Variants in STX8 observed in about 807,000 individuals in gnomAD.
STX8 encodes the protein syntaxin 8.
A neutral mutation model predicts 37.5 loss-of-function variants in STX8; 23 were observed. That is an observed-to-expected ratio of 0.61 (90% CI 0.44 to 0.87). The LOEUF (loss-of-function observed/expected upper bound fraction) is 0.87, where lower values mean the gene tolerates loss of function less well. Ranked by LOEUF, STX8 falls within the 40% of genes least tolerant of loss-of-function variation. STX8 has a pLI of 0.00. For missense variants in STX8, 313 were observed against 284.7 expected (o/e 1.10, Z -0.71); for synonymous variants, 115 against 99.1 (o/e 1.16, Z -0.95).
chr17:9,544,369 C>T (rs755229536), intron 4 of STX8, among the ~76,000 whole-genome samples: 2 of 152,104 alleles, frequency 1.3e-5, no homozygotes, highest in Non-Finnish European at 2.9e-5. Flanking sequence ...CCAGCAGAAC[C>T]GGGCTCAGAG....
At chr17:9,480,571 A>G (rs1343966296) in intron 6 of STX8, among the ~76,000 whole-genome samples, 1 of 152,122 alleles carries the variant, frequency 6.6e-6, no homozygotes, top group Non-Finnish European at 1.5e-5. Context: ...CACTAAATGG[A>G]AGTCCTTCCA....
At chr17:9,287,899 C>T (rs1286500650) in intron 7 of STX8, among the ~76,000 whole-genome samples, 1 of 151,728 alleles carries the variant, frequency 6.6e-6, no homozygotes, top group Non-Finnish European at 1.5e-5. Flanking sequence ...TACAGGTGAG[C>T]ACCACCACGC....
At chr17:9,524,370 T>G (rs1400300562) in intron 4 of STX8, among the ~76,000 whole-genome samples, 1 of 152,204 alleles carries the variant, frequency 6.6e-6, no homozygotes. Context: ...CGGTGTCTGG[T>G]GAGGACTTTT....
intron 7 of STX8, among the ~76,000 whole-genome samples, chr17:9,265,123 G>GAAA (rs61526336): frequency 4.1e-5 from 3 of 72,508 alleles, no homozygotes; most frequent in Non-Finnish European, 5.9e-5. Context: ...AGTCTGAAAA[G>GAAA]AAAAAAAAAA....
intron 7 of STX8, 112 bp downstream of exon 7, chr17:9,378,440 T>C (rs1911675389): frequency 1.1e-6 from 1 of 888,372 alleles, no homozygotes; most frequent in Non-Finnish European, 1.8e-6. Flanking sequence ...TGGAACTGCC[T>C]GTATCAGAAG....
intron 5 of STX8, among the ~76,000 whole-genome samples, chr17:9,501,149 T>A (rs941465388): frequency 2.6e-5 from 4 of 152,162 alleles, no homozygotes; most frequent in Non-Finnish European, 4.4e-5. Flanking sequence ...CTCAAACTAA[T>A]CTAAAAATTC....
intron 6 of STX8, among the ~76,000 whole-genome samples, chr17:9,489,399 C>T (rs576970666): frequency 2.0e-5 from 3 of 152,140 alleles, no homozygotes; most frequent in East Asian, 3.9e-4. Context: ...CTAAACCAGA[C>T]GAAAGACAAG....
At chr17:9,305,271 T>G (rs1908939131) in intron 7 of STX8, among the ~76,000 whole-genome samples, 1 of 152,002 alleles carries the variant, frequency 6.6e-6, no homozygotes, top group Admixed American at 6.6e-5. Context: ...TTTTGTATTT[T>G]TAGTAGAGAT....
intron 5 of STX8, among the ~76,000 whole-genome samples, chr17:9,494,073 T>C: frequency 6.6e-6 from 1 of 151,602 alleles, no homozygotes; most frequent in Admixed American, 6.6e-5. Flanking sequence ...TGGAGTGCAG[T>C]GGCGCGATCT....
In STX8 at chr17:9,535,424, C is replaced by CTTTTTTTTTTTTT. The variant is rs35962202; in HGVS notation, c.323+9735_323+9747dup. 8.5e-3 allele frequency among the ~76,000 whole-genome samples: 440 copies of CTTTTTTTTTTTTT among 51,558 alleles called. 90 individuals carry two copies. The highest frequency in any genetic ancestry group is 0.024 in the East Asian group (29 of 1,206). The allele number at this position is 51,558 out of a possible 152,430, so 33.8% of individuals were successfully genotyped here. ...CATACCCTCTGACCCAGCCATCCTA[C>CTTTTTTTTTTTTT]TTTTTTTTTTTTTTTTTTTTTTTTT... On this transcript the variant is annotated intron_variant, in intron 4 of 7. Transcript: ENST00000306357.
chr17:9,300,830 CTTTT>C (rs1164799565), intron 7 of STX8, among the ~76,000 whole-genome samples: 19 of 90,892 alleles, frequency 2.1e-4, no homozygotes, highest in Non-Finnish European at 2.5e-4. Context: ...TTATTTTGTT[CTTTT>C]TTTTTTTTTT....
At chr17:9,439,621 G>C (rs900188998) in intron 6 of STX8, among the ~76,000 whole-genome samples, 1 of 150,318 alleles carries the variant, frequency 6.7e-6, no homozygotes, top group Non-Finnish European at 1.5e-5. Flanking sequence ...TCAGCCTCCC[G>C]AGCAGCTGGG....
chr17:9,510,964 A>C (rs1946439331), intron 4 of STX8, among the ~76,000 whole-genome samples: 1 of 152,120 alleles, frequency 6.6e-6, no homozygotes, highest in South Asian at 2.1e-4. Context: ...GAATCATTAC[A>C]GGATACTACA....
intron 6 of STX8, chr17:9,467,508 C>G (rs1162640656): frequency 6.6e-6 from 1 of 152,236 alleles, no homozygotes; most frequent in Non-Finnish European, 1.5e-5. Flanking sequence ...GAAGACCTCT[C>G]TCTTCCCCTT....
chr17:9,504,521 C>T (rs71358250), intron 5 of STX8, among the ~76,000 whole-genome samples: 1 of 152,260 alleles, frequency 6.6e-6, no homozygotes, highest in South Asian at 2.1e-4. Flanking sequence ...GCTCTCTCTG[C>T]TCTTGCCCAA....
At chr17:9,275,530 G>A (rs1259858142) in intron 7 of STX8, among the ~76,000 whole-genome samples, 1 of 152,156 alleles carries the variant, frequency 6.6e-6, no homozygotes, top group African/African-American at 2.4e-5. Context: ...TCCCATCTGT[G>A]TGATCATGAG....
chr17:9,543,463 T>TTTG (rs957696152), intron 4 of STX8, among the ~76,000 whole-genome samples: 5 of 152,096 alleles, frequency 3.3e-5, no homozygotes, highest in East Asian at 1.9e-4. Flanking sequence ...CGGCTACTTT[T>TTTG]TTGTTGTTGT....
At chr17:9,306,779 A>G (rs1567777303) in intron 7 of STX8, among the ~76,000 whole-genome samples, 1 of 151,812 alleles carries the variant, frequency 6.6e-6, no homozygotes, top group Non-Finnish European at 1.5e-5. Flanking sequence ...AAACAAACAA[A>G]CAAAAACAAA....
intron 7 of STX8, among the ~76,000 whole-genome samples, chr17:9,345,978 A>C (rs1910522221): frequency 6.7e-6 from 1 of 149,174 alleles, no homozygotes; most frequent in South Asian, 2.1e-4. Flanking sequence ...CAGCCTCCTG[A>C]GTAGCTGGAA....
Sources: allele counts gnomAD v4.1 joint callset (sites outside exome capture counted in the v4.1 genomes callset), GRCh38; gene constraint gnomAD v4.1.1; transcripts MANE v1.5; gene names NCBI Gene and HGNC (gene_info 2026-07-23, HGNC 2026-07-21).